Variants in CPQ observed in about 807,000 individuals in gnomAD.
CPQ encodes carboxypeptidase Q.
A neutral mutation model predicts 45.7 loss-of-function variants in CPQ; 37 were observed. The ratio of observed to expected loss-of-function variants is 0.81; its 90% confidence interval spans 0.62 to 1.07. The LOEUF is 1.07. Ranked by LOEUF, CPQ falls within the 50% of genes least tolerant of loss-of-function variation. The probability of loss-of-function intolerance (pLI) is 0.00; values close to 1 mark genes in which losing one functional copy is unlikely to be tolerated. For missense variants in CPQ, 537 were observed against 572.9 expected, an observed-to-expected ratio of 0.94 and a Z score of 0.64; for synonymous variants, 186 against 205.8, an observed-to-expected ratio of 0.90 and a Z score of 0.82.
intron 2 of CPQ, among the ~76,000 whole-genome samples, chr8:96,811,870 C>T (rs534508374): frequency 1.3e-3 from 205 of 152,140 alleles, no homozygotes; most frequent in African/African-American, 4.6e-3. Context: ...GTACATAAAT[C>T]GGAGTTTCCC....
At chr8:96,815,553 T>C (rs1376800503) in intron 2 of CPQ, among the ~76,000 whole-genome samples, 1 of 152,110 alleles carries the variant, frequency 6.6e-6, no homozygotes, top group South Asian at 2.1e-4. Context: ...AAGATGAAGA[T>C]ACAGGGATTT....
chr8:96,849,888 A>G (rs901112325), intron 3 of CPQ, among the ~76,000 whole-genome samples: 2 of 152,094 alleles, frequency 1.3e-5, no homozygotes, highest in Non-Finnish European at 2.9e-5. Flanking sequence ...ACCCTTATAC[A>G]TTTGCTCTAC....
intron 4 of CPQ, among the ~76,000 whole-genome samples, chr8:96,897,566 A>G (rs1213332089): frequency 2.0e-5 from 3 of 152,194 alleles, no homozygotes; most frequent in Non-Finnish European, 4.4e-5. Context: ...TAGTAAAACA[A>G]TTGTTTCATG....
chr8:97,029,202 C>T (rs901609842), intron 5 of CPQ, among the ~76,000 whole-genome samples: 4 of 152,154 alleles, frequency 2.6e-5, no homozygotes, highest in Admixed American at 2.6e-4. Flanking sequence ...ACCCCTTTCT[C>T]CATTAACCTG....
intron 1 of CPQ, among the ~76,000 whole-genome samples, chr8:96,767,925 T>A (rs1810490506): frequency 6.6e-6 from 1 of 152,106 alleles, no homozygotes; most frequent in South Asian, 2.1e-4. Context: ...ATTTCAGGTG[T>A]GAGCCACCGT....
At chr8:97,001,721 CTTTTTTT>C (rs61282246) in intron 5 of CPQ, among the ~76,000 whole-genome samples, 19 of 92,070 alleles carry the variant, frequency 2.1e-4, no homozygotes, top group South Asian at 2.0e-3. Context: ...TTCTTTCTTT[CTTTTTTT>C]TTTTTTTTTT....
At chr8:96,797,481 C>T (rs982843695) in intron 2 of CPQ, among the ~76,000 whole-genome samples, 2 of 152,084 alleles carry the variant, frequency 1.3e-5, no homozygotes, top group Non-Finnish European at 2.9e-5. Context: ...CATTGTGGTC[C>T]TCTGTGGTTA....
chr8:96,826,991 G>A (rs187415254), intron 2 of CPQ, among the ~76,000 whole-genome samples: 151 of 152,062 alleles, frequency 9.9e-4, no homozygotes, highest in African/African-American at 3.4e-3. Flanking sequence ...AGTATTCCAC[G>A]GTGTATATGT....
chr8:96,798,239 C>T (rs1003426602), intron 2 of CPQ, among the ~76,000 whole-genome samples: 6 of 151,740 alleles, frequency 4.0e-5, no homozygotes, highest in African/African-American at 1.5e-4. Flanking sequence ...AAGCAGTCCT[C>T]CCATCTCCAT....
intron 1 of CPQ, among the ~76,000 whole-genome samples, chr8:96,681,624 C>G (rs1292252589): frequency 1.3e-5 from 2 of 152,188 alleles, no homozygotes; most frequent in African/African-American, 4.8e-5. Flanking sequence ...CACAGAAACC[C>G]TACTTCAGCA....
At chr8:96,926,335 T>A (rs982322167) in intron 4 of CPQ, among the ~76,000 whole-genome samples, 2 of 152,188 alleles carry the variant, frequency 1.3e-5, no homozygotes, top group Non-Finnish European at 2.9e-5. Context: ...CTTCAAGCTA[T>A]TCTTCCTGTC....
At chr8:97,033,558 A>G (rs1362512552) in intron 6 of CPQ, among the ~76,000 whole-genome samples, 2 of 152,144 alleles carry the variant, frequency 1.3e-5, no homozygotes, top group Non-Finnish European at 2.9e-5. Flanking sequence ...TTTCGAGCCT[A>G]ATATTAGCCT....
At chr8:97,040,709 C>A (rs1350025016) in intron 6 of CPQ, among the ~76,000 whole-genome samples, 1 of 151,814 alleles carries the variant, frequency 6.6e-6, no homozygotes, top group Non-Finnish European at 1.5e-5. Flanking sequence ...TATGGCTAGC[C>A]AGTTTTCCCA....
In CPQ at chr8:96,918,650, G is replaced by A. The variant is rs1477551570; in HGVS notation, c.849+38645G>A. 3.3e-5 allele frequency among the ~76,000 whole-genome samples: 5 copies of A among 152,002 alleles called. No individual in the cohort carries two copies. The East Asian group carries it at 7.7e-4, about 24-fold the overall frequency. ...GAATGGGGAAGGAGACTAGGTGGGT[G>A]GGGGGTTCTCATTGTCTTCTATGTA... On this transcript the variant is annotated intron_variant, in intron 4 of 7. Coordinates refer to ENST00000220763, the MANE Select transcript of CPQ (RefSeq NM_016134.4).
chr8:96,833,552 G>T (rs551600084), intron 2 of CPQ, among the ~76,000 whole-genome samples: 1 of 152,122 alleles, frequency 6.6e-6, no homozygotes, highest in South Asian at 2.1e-4. Context: ...CAACAATAAC[G>T]CCAGTCAAAT....
rs368432125 is a variant in CPQ, at chr8:97,142,151, A to G, written c.1256-869A>G. Among the ~76,000 whole-genome samples, 7 of 152,186 alleles carry G rather than the reference A, an allele frequency of 4.6e-5. No individual in the cohort carries two copies. The East Asian group carries it at 5.8e-4, about 13-fold the overall frequency. On this transcript the variant is annotated intron_variant, in intron 7 of 7. Coordinates refer to ENST00000220763, the MANE Select transcript of CPQ (RefSeq NM_016134.4). Reference sequence around the variant, plus strand: ...TTATTATTTTCACCCTTTATAATATACATTTATGTTCTGTACAATCTTATG... The same window carrying G: ...TTATTATTTTCACCCTTTATAATATGCATTTATGTTCTGTACAATCTTATG...
intron 5 of CPQ, among the ~76,000 whole-genome samples, chr8:96,995,305 A>T (rs1240037606): frequency 6.6e-6 from 1 of 152,098 alleles, no homozygotes; most frequent in African/African-American, 2.4e-5. Flanking sequence ...AAATATCATT[A>T]TAGTGAAGAA....
At chr8:97,070,288 T>C (rs1198258240) in intron 7 of CPQ, among the ~76,000 whole-genome samples, 1 of 152,148 alleles carries the variant, frequency 6.6e-6, no homozygotes, top group African/African-American at 2.4e-5. Context: ...GCGCTTCAAG[T>C]CTTTGTCCCA....
intron 3 of CPQ, among the ~76,000 whole-genome samples, chr8:96,836,997 T>A (rs1440919694): frequency 2.0e-5 from 3 of 152,276 alleles, no homozygotes; most frequent in Middle Eastern, 3.4e-3. Flanking sequence ...CATTTATAAA[T>A]ACATAATAAC....
Sources: gnomAD v4.1 joint callset for allele counts (sites outside exome capture counted in the v4.1 genomes callset) on GRCh38, gnomAD v4.1.1 for gene constraint, MANE v1.5 for transcripts, NCBI Gene and HGNC (gene_info 2026-07-23, HGNC 2026-07-21) for gene names.